RPTOR: variants seen among roughly 807,000 people sequenced by gnomAD.
RPTOR encodes the protein regulatory-associated protein of mTOR.
Under a neutral mutation model 169.9 loss-of-function variants are expected in RPTOR, and 21 were observed. The observed-to-expected ratio is 0.12, with a 90% CI of 0.09 to 0.18. RPTOR has a LOEUF of 0.18. Ranked by LOEUF, RPTOR falls within the 10% of genes least tolerant of loss-of-function variation. The pLI, the probability that RPTOR is intolerant of heterozygous loss-of-function variation, is 1.00. For synonymous variants in RPTOR, 732 were observed against 753.2 expected, an observed-to-expected ratio of 0.97 and a Z score of 0.46; for missense variants, 1,133 against 1,855.9, an observed-to-expected ratio of 0.61 and a Z score of 7.16.
chr17:80,647,498 A>G (rs2065605163), intron 3 of RPTOR, among the ~76,000 whole-genome samples: 1 of 152,148 alleles, frequency 6.6e-6, no homozygotes, highest in Admixed American at 6.5e-5. Flanking sequence ...GGAAAAAGAC[A>G]AGCAGGAGGG....
chr17:80,834,296 ATCCTT>A (rs1389314946), intron 9 of RPTOR, among the ~76,000 whole-genome samples: 1 of 152,186 alleles, frequency 6.6e-6, no homozygotes, highest in Non-Finnish European at 1.5e-5. Flanking sequence ...GTTCTTTTAC[ATCCTT>A]TCTTCTCATT....
At chr17:80,750,392 G>A (rs1031428010) in intron 5 of RPTOR, among the ~76,000 whole-genome samples, 1 of 152,188 alleles carries the variant, frequency 6.6e-6, no homozygotes, top group African/African-American at 2.4e-5. Flanking sequence ...GACAGACATC[G>A]CAAATGGCGC....
At chr17:80,905,923 G>T (rs1465257719) in intron 20 of RPTOR, among the ~76,000 whole-genome samples, 1 of 152,202 alleles carries the variant, frequency 6.6e-6, no homozygotes, top group East Asian at 1.9e-4. Flanking sequence ...CTCATATAAG[G>T]CCAGCTGCCC....
chr17:80,813,771 A>C (rs1214523804), intron 7 of RPTOR, among the ~76,000 whole-genome samples: 1 of 152,250 alleles, frequency 6.6e-6, no homozygotes, highest in Admixed American at 6.5e-5. Flanking sequence ...TTTTCATAGT[A>C]GTCATTTAAA....
chr17:80,682,686 G>C (rs1342980343), intron 3 of RPTOR, among the ~76,000 whole-genome samples: 3 of 152,192 alleles, frequency 2.0e-5, no homozygotes, highest in Admixed American at 6.5e-5. Flanking sequence ...ATGAATACTT[G>C]AGTCTATAGA....
chr17:80,553,062 C>T (rs1413568776), intron 1 of RPTOR, among the ~76,000 whole-genome samples: 1 of 152,226 alleles, frequency 6.6e-6, no homozygotes, highest in Admixed American at 6.5e-5. Flanking sequence ...TTGATACCTG[C>T]ACTGACAGTG....
intron 2 of RPTOR, among the ~76,000 whole-genome samples, chr17:80,630,008 T>C (rs937623925): frequency 4.6e-5 from 7 of 151,996 alleles, no homozygotes; most frequent in Non-Finnish European, 8.8e-5. Context: ...TTCTCTGATA[T>C]TGGGTTTTTT....
intron 20 of RPTOR, among the ~76,000 whole-genome samples, chr17:80,897,843 A>G (rs1322824651): frequency 2.0e-5 from 3 of 152,242 alleles, no homozygotes; most frequent in Non-Finnish European, 4.4e-5. Flanking sequence ...CAGTGAGCCA[A>G]GATCACGCCA....
rs563687475 is a variant in RPTOR at position 80,845,793 on chromosome 17, G to A, written c.1213-680G>A. On this transcript the variant is annotated intron_variant, in intron 10 of 33. Transcript: ENST00000306801. This position sits in a 1 kb window ranked among gnomAD's most constrained non-coding sequence, Gnocchi z 5.4. ...CCTGTCTCGAAACCCCTCTGGCTGC[G>A]CTTTTGCCCAACTCCAGAGCGTTCT... is the stretch of plus-strand genomic sequence containing the variant. 3.3e-5 allele frequency among the ~76,000 whole-genome samples: 5 copies of A among 152,288 alleles called. No individual in the cohort carries two copies. Among genetic ancestry groups the A allele is most frequent in the East Asian group, 3.9e-4 (2 of 5,174 alleles).
chr17:80,573,667 G>A (rs72856538), intron 1 of RPTOR, among the ~76,000 whole-genome samples: 1 of 152,120 alleles, frequency 6.6e-6, no homozygotes, highest in Non-Finnish European at 1.5e-5. Context: ...CATGCACACA[G>A]CTTCCTGCCC....
At chr17:80,910,646 G>GAGCTATCGAC (rs2068601067) in intron 21 of RPTOR, among the ~76,000 whole-genome samples, 1 of 151,794 alleles carries the variant, frequency 6.6e-6, no homozygotes, top group Non-Finnish European at 1.5e-5. Context: ...GAGCTATCGA[G>GAGCTATCGAC]TCTCCCCCTC....
chr17:80,622,689 C>T (rs1194477920), intron 1 of RPTOR, among the ~76,000 whole-genome samples: 6 of 152,138 alleles, frequency 3.9e-5, no homozygotes, highest in African/African-American at 1.4e-4. Flanking sequence ...ATCGCTTGAA[C>T]TCAGGAGTTG....
chr17:80,933,037 G>A (rs146671746), intron 24 of RPTOR, among the ~76,000 whole-genome samples: 4 of 152,144 alleles, frequency 2.6e-5, no homozygotes, highest in Non-Finnish European at 5.9e-5. Context: ...CTAGAATTCT[G>A]TACACACAAA....
At chr17:80,935,563 T>C (rs375890172) in intron 24 of RPTOR, among the ~76,000 whole-genome samples, 2 of 152,194 alleles carry the variant, frequency 1.3e-5, no homozygotes, top group Non-Finnish European at 2.9e-5. Context: ...ATATGTTCAA[T>C]TGATTTTCAA....
At chr17:80,742,027 A>G (rs1312886824) in intron 5 of RPTOR, among the ~76,000 whole-genome samples, 1 of 152,128 alleles carries the variant, frequency 6.6e-6, no homozygotes, top group African/African-American at 2.4e-5. Context: ...AGGACTGAGG[A>G]TGGACCGTTG....
intron 5 of RPTOR, among the ~76,000 whole-genome samples, chr17:80,753,100 T>G (rs1449145750): frequency 6.6e-6 from 1 of 152,236 alleles, no homozygotes; most frequent in Non-Finnish European, 1.5e-5. Context: ...CACATTTGTT[T>G]GTAGAACATT....
chr17:80,883,798 A>T lies in RPTOR; in HGVS notation c.1668A>T (p.Gly556=). 1.2e-6 allele frequency: 2 copies of T among 1,613,654 alleles called. No homozygotes were observed. Among genetic ancestry groups the T allele is most frequent in the Non-Finnish European group, 1.7e-6 (2 of 1,180,042 alleles). Residue 556 remains glycine (G), a synonymous_variant, in exon 16 of 34, where the codon GGA becomes GGT. Transcript: ENST00000306801. ...CTCTGCAGGAAGCCTGCCTTCAGGG[A>T]AACCTCATTGCCATCTGCCTGGAGC... The part of the protein sequence containing the change: ...YHTGQEACLQ[G]NLIAICLEQL...
chr17:80,637,699 A>C (rs1413996163), intron 2 of RPTOR, among the ~76,000 whole-genome samples: 1 of 152,260 alleles, frequency 6.6e-6, no homozygotes, highest in East Asian at 1.9e-4. Context: ...TTTGTGTGCC[A>C]GCTAATGGTA....
intron 20 of RPTOR, among the ~76,000 whole-genome samples, chr17:80,903,360 G>A (rs1363821502): frequency 6.6e-6 from 1 of 152,212 alleles, no homozygotes; most frequent in Non-Finnish European, 1.5e-5. Flanking sequence ...GCCTTTGGAG[G>A]AAAGAGGAGC....
Sources: allele counts gnomAD v4.1 joint callset (sites outside exome capture counted in the v4.1 genomes callset), GRCh38; gene constraint gnomAD v4.1.1; non-coding constraint Gnocchi (gnomAD v3.1); transcripts MANE v1.5; gene names NCBI Gene and HGNC (gene_info 2026-07-23, HGNC 2026-07-21).